ATRNL1: variants seen among roughly 807,000 people sequenced by gnomAD.
ATRNL1 encodes the protein attractin-like protein 1.
Under a neutral mutation model 182.7 loss-of-function variants are expected in ATRNL1, and 95 were observed. The ratio of observed to expected loss-of-function variants is 0.52; its 90% CI spans 0.44 to 0.62. The LOEUF is 0.62. Ranked by LOEUF, ATRNL1 falls within the 20% of genes least tolerant of loss-of-function variation. ATRNL1 has a pLI of 0.00. For synonymous variants in ATRNL1, 576 were observed against 568.3 expected, an observed-to-expected ratio of 1.01 and a Z score of -0.19; for missense variants, 1,471 against 1,679.5, an observed-to-expected ratio of 0.88 and a Z score of 2.17.
At chr10:115,327,272 A>G (rs4379750) in intron 18 of ATRNL1, among the ~76,000 whole-genome samples, 32,171 of 145,316 alleles carry the variant, frequency 0.22, 2,423 homozygotes, top group Non-Finnish European at 0.28. Flanking sequence ...AAAAGTGGGC[A>G]AAGGACATGA....
At chr10:115,395,531 T>C (rs1352291700) in intron 20 of ATRNL1, among the ~76,000 whole-genome samples, 1 of 151,890 alleles carries the variant, frequency 6.6e-6, no homozygotes, top group African/African-American at 2.4e-5. Context: ...TTCTTTCATA[T>C]TATACCTAAT....
intron 25 of ATRNL1, among the ~76,000 whole-genome samples, chr10:115,527,727 A>G (rs1002335199): frequency 2.9e-4 from 44 of 152,076 alleles, no homozygotes; most frequent in African/African-American, 1.0e-3. Flanking sequence ...TTTGTTCTAT[A>G]TTAGAATTGT....
chr10:115,867,905 T>C (rs1951476825), intron 28 of ATRNL1, among the ~76,000 whole-genome samples: 1 of 152,034 alleles, frequency 6.6e-6, no homozygotes, highest in Admixed American at 6.5e-5. Context: ...CCCAGCTATT[T>C]ATTTTTTAAT....
intron 5 of ATRNL1, among the ~76,000 whole-genome samples, chr10:115,131,745 G>C (rs1845247376): frequency 6.6e-6 from 1 of 152,106 alleles, no homozygotes; most frequent in Non-Finnish European, 1.5e-5. Flanking sequence ...ATTTAGGTTA[G>C]AGTAACAGAT....
chr10:115,914,392 A>G (rs1236576340), intron 28 of ATRNL1, among the ~76,000 whole-genome samples: 1 of 152,180 alleles, frequency 6.6e-6, no homozygotes, highest in African/African-American at 2.4e-5. Flanking sequence ...TGTGGAAATG[A>G]TAGGATTCTG....
chr10:115,732,522 A>G (rs938186280), intron 27 of ATRNL1, among the ~76,000 whole-genome samples: 2 of 152,222 alleles, frequency 1.3e-5, no homozygotes. Flanking sequence ...TTATTTTTCA[A>G]AATTCCTTTA....
intron 27 of ATRNL1, among the ~76,000 whole-genome samples, chr10:115,781,298 A>G (rs1288584987): frequency 6.6e-6 from 1 of 152,192 alleles, no homozygotes; most frequent in East Asian, 1.9e-4. Flanking sequence ...ATTTGGTCCT[A>G]TATTCTAAAG....
At chr10:115,925,068 G>C (rs1953182613) in intron 28 of ATRNL1, among the ~76,000 whole-genome samples, 1 of 152,090 alleles carries the variant, frequency 6.6e-6, no homozygotes, top group Non-Finnish European at 1.5e-5. Flanking sequence ...TGGTGTAAAG[G>C]AATGCTTGTG....
At chr10:115,650,669 T>A (rs1440097235) in intron 26 of ATRNL1, among the ~76,000 whole-genome samples, 6 of 152,102 alleles carry the variant, frequency 3.9e-5, no homozygotes, top group Non-Finnish European at 5.9e-5. Flanking sequence ...CTTCTTTTTT[T>A]AAATTTCTTC....
At chr10:115,827,988 C>G (rs967215464) in intron 27 of ATRNL1, among the ~76,000 whole-genome samples, 7 of 151,910 alleles carry the variant, frequency 4.6e-5, no homozygotes, top group East Asian at 1.9e-4. Flanking sequence ...AACAAAGGCC[C>G]CAACTCACAT....
At chr10:115,611,631 A>G (rs1857164736) in intron 26 of ATRNL1, among the ~76,000 whole-genome samples, 1 of 152,164 alleles carries the variant, frequency 6.6e-6, no homozygotes, top group East Asian at 1.9e-4. Flanking sequence ...CAATTTTAAT[A>G]GTTAGATGGT....
intron 27 of ATRNL1, among the ~76,000 whole-genome samples, chr10:115,776,262 C>T (rs909296079): frequency 2.0e-5 from 3 of 152,108 alleles, no homozygotes; most frequent in African/African-American, 4.8e-5. Context: ...TTATATAAAG[C>T]GTATGTTAAT....
At chr10:115,407,683 T>A (rs545824354) in intron 20 of ATRNL1, among the ~76,000 whole-genome samples, 13 of 152,346 alleles carry the variant, frequency 8.5e-5, no homozygotes, top group Non-Finnish European at 1.8e-4. Flanking sequence ...AGCATTGCAA[T>A]AAATATGACG....
chr10:115,937,855 G>A (rs191447040), intron 28 of ATRNL1, among the ~76,000 whole-genome samples: 5 of 152,220 alleles, frequency 3.3e-5, no homozygotes, highest in East Asian at 3.9e-4. Context: ...AAAACATTTC[G>A]GCAGGGCAAA....
Position 115,661,214 on chromosome 10 carries a change from T to G in ATRNL1, c.3796-66034T>G, listed in dbSNP as rs1860661122. On this transcript the variant is annotated intron_variant, in intron 26 of 28. Coordinates refer to ENST00000355044, the MANE Select transcript of ATRNL1 (RefSeq NM_207303.4). ...TTACCTCAGAACTCTTCCAAGATCCTCAGCCAACATTTGCATTATATCCTA... is the reference window on the plus strand; with the variant it reads ...TTACCTCAGAACTCTTCCAAGATCCGCAGCCAACATTTGCATTATATCCTA... Among the ~76,000 whole-genome samples the G allele has an allele frequency of 3.3e-5, 5 of 152,230 alleles. No homozygotes were observed. The South Asian group carries it at 1.0e-3, about 32-fold the overall frequency.
chr10:115,326,488 C>T (rs1374496727), intron 18 of ATRNL1, among the ~76,000 whole-genome samples: 23 of 152,044 alleles, frequency 1.5e-4, no homozygotes, highest in African/African-American at 5.6e-4. Flanking sequence ...GAATCAATAT[C>T]ATGAAAATGG....
intron 21 of ATRNL1, among the ~76,000 whole-genome samples, chr10:115,457,418 T>A (rs782059412): frequency 4.6e-5 from 7 of 152,068 alleles, no homozygotes; most frequent in Non-Finnish European, 7.4e-5. Flanking sequence ...TATCCAGAAC[T>A]GGCAGTTCAA....
chr10:115,875,089 G>A (rs553581036), intron 28 of ATRNL1, among the ~76,000 whole-genome samples: 56 of 152,258 alleles, frequency 3.7e-4, no homozygotes, highest in African/African-American at 1.3e-3. Flanking sequence ...ATTGGAAAGT[G>A]GAAATTGATA....
chr10:115,519,262 G>A lies in ATRNL1; in HGVS notation c.3655-1G>A. ...CAATTTTTTTTATTTTGATTTTTCA[G>A]ATTGCATTCTCACAACACAATACAA... is the stretch of plus-strand genomic sequence containing the variant. On this transcript the variant is annotated splice_acceptor_variant, in intron 24 of 28. Coordinates refer to ENST00000355044, the MANE Select transcript of ATRNL1 (RefSeq NM_207303.4). LOFTEE classifies it high-confidence loss of function. 1 of 1,609,276 alleles carries A rather than the reference G, an allele frequency of 6.2e-7. No individual in the cohort carries two copies.
Sources: allele counts gnomAD v4.1 joint callset (sites outside exome capture counted in the v4.1 genomes callset), GRCh38; gene constraint gnomAD v4.1.1; transcripts MANE v1.5; gene names NCBI Gene and HGNC (gene_info 2026-07-23, HGNC 2026-07-21).